Variants in NAB1 observed in about 807,000 individuals in gnomAD.
The protein encoded by NAB1 is NGFI-A binding protein 1, also known as NGFI-A-binding protein 1.
NAB1 carries 25 observed loss-of-function variants against 49.9 expected under a neutral mutation model. That is an observed-to-expected ratio of 0.50 (90% CI 0.37 to 0.70). NAB1 has a LOEUF of 0.70. Ranked by LOEUF, NAB1 falls within the 30% of genes least tolerant of loss-of-function variation. The pLI is 0.00. For synonymous variants in NAB1, 198 were observed against 215.6 expected (o/e 0.92, Z 0.71); for missense variants, 489 against 575.9 (o/e 0.85, Z 1.54).
rs1390449579 is a variant in NAB1 at position 190,670,158 on chromosome 2, T to C, written c.820-168T>C. On this transcript the variant is annotated intron_variant, in intron 4 of 9. Transcript: ENST00000337386. This position sits in a 1 kb window ranked among gnomAD's most constrained non-coding sequence, Gnocchi z 5.3. ...TGAGATGGCAGATGAGTTGGTTTTC[T>C]TCTGAAATTCGGCATTAGGAATAAT... is the stretch of plus-strand genomic sequence containing the variant. Among the ~76,000 whole-genome samples, 1 of 152,244 alleles carries C rather than the reference T, an allele frequency of 6.6e-6. No individual in the cohort carries two copies. Among genetic ancestry groups the C allele is most frequent in the Admixed American group, 6.5e-5 (1 of 15,282 alleles).
At position 190,685,403 on chromosome 2, in the gene NAB1, A is replaced by G; in HGVS notation, c.1096-73A>G. 1 of 1,350,916 alleles carries G rather than the reference A, an allele frequency of 7.4e-7. No individual in the cohort carries two copies. The highest frequency in any genetic ancestry group is 1.0e-6 in the Non-Finnish European group (1 of 1,004,546). 83.7% of individuals were successfully genotyped at this position (1,350,916 alleles called of 1,614,324 possible). Reference sequence around the variant, plus strand: ...ACTAAATATATTTGCTGGAGTCTGAAATTGGCATCTTTAAACCATTAAAAA... The same window carrying G: ...ACTAAATATATTTGCTGGAGTCTGAGATTGGCATCTTTAAACCATTAAAAA... On this transcript the variant is annotated intron_variant, in intron 7 of 9. Transcript: ENST00000337386. This position sits in a 1 kb window ranked among gnomAD's most constrained non-coding sequence, Gnocchi z 4.5.
intron 4 of NAB1, 47 bp downstream of exon 4, chr2:190,660,042 C>T: frequency 6.6e-7 from 1 of 1,523,750 alleles, no homozygotes; most frequent in Non-Finnish European, 9.0e-7. Context: ...TGGCATGTTG[C>T]TAGTCGTTAG....
rs1177964842 is a variant in NAB1 at position 190,691,683 on chromosome 2, A to T, written c.*1350A>T. ...GTTGGTTTAAGAGAAGATAACTGAC[A>T]GCTTTACCTACTTCCTACAGATGCA... On this transcript the variant is annotated 3_prime_UTR_variant, in exon 10 of 10. Coordinates refer to ENST00000337386, the MANE Select transcript of NAB1 (RefSeq NM_005966.4). This position sits in a 1 kb window ranked among gnomAD's most constrained non-coding sequence, Gnocchi z 4.1. 6 of 152,312 alleles carry T rather than the reference A, an allele frequency of 3.9e-5. No homozygotes were observed. Among genetic ancestry groups the T allele is most frequent in the African/African-American group, 1.4e-4 (6 of 41,578 alleles). The allele number at this position is 152,312 out of a possible 1,614,324, so 9.4% of individuals were successfully genotyped here.
intron 5 of NAB1, among the ~76,000 whole-genome samples, chr2:190,672,730 A>G (rs1574456610): frequency 6.6e-6 from 1 of 152,138 alleles, no homozygotes; most frequent in South Asian, 2.1e-4. Context: ...AATCCCAGCA[A>G]TTTGGAAGGC....
In NAB1 at chr2:190,667,742, T is replaced by C. The variant is rs1210045879; in HGVS notation, c.820-2584T>C. Among the ~76,000 whole-genome samples, 2 of 152,154 alleles carry C rather than the reference T, an allele frequency of 1.3e-5. No individual in the cohort carries two copies. Reference sequence around the variant, plus strand: ...GGGAGGAGGATGTTAAATATCTATATCATACCATGTACCATAACACATTCT... The same window carrying C: ...GGGAGGAGGATGTTAAATATCTATACCATACCATGTACCATAACACATTCT... On this transcript the variant is annotated intron_variant, in intron 4 of 9. Coordinates refer to ENST00000337386, the MANE Select transcript of NAB1 (RefSeq NM_005966.4). The surrounding 1 kb of genome is among the most constrained non-coding windows in gnomAD (Gnocchi z 4.4).
In NAB1 at chr2:190,682,367, C is replaced by T. The variant is rs529917359; in HGVS notation, c.1006-1371C>T. Among the ~76,000 whole-genome samples the T allele has an allele frequency of 6.6e-6, 1 of 152,142 alleles. No individual in the cohort carries two copies. The highest frequency in any genetic ancestry group is 1.5e-5 in the Non-Finnish European group (1 of 68,018). ...GTTCAGAAAGGTTAAGTTACTCATC[C>T]GGTGGTCACATAGCTAGTGAGTGGT... On this transcript the variant is annotated intron_variant, in intron 6 of 9. Transcript: ENST00000337386. The surrounding 1 kb of genome is among the most constrained non-coding windows in gnomAD (Gnocchi z 4.1).
rs928716412 is a variant in NAB1 at position 190,676,347 on chromosome 2, A to T, written c.1005+3195A>T. Among the ~76,000 whole-genome samples, 2 of 152,212 alleles carry T rather than the reference A, an allele frequency of 1.3e-5. No individual in the cohort carries two copies. The highest frequency in any genetic ancestry group is 1.3e-4 in the Admixed American group (2 of 15,276). ...GACCTCATAAATAAAACTAGAAAGAATTTAGAATTCTTTTAACATACTTTT... is the reference window on the plus strand; with the variant it reads ...GACCTCATAAATAAAACTAGAAAGATTTTAGAATTCTTTTAACATACTTTT... On this transcript the variant is annotated intron_variant, in intron 6 of 9. Transcript: ENST00000337386. The surrounding 1 kb of genome is among the most constrained non-coding windows in gnomAD (Gnocchi z 4.6).
rs992494575 is a variant in NAB1, at chr2:190,657,994, A to G, written c.-19-1164A>G. 6.6e-6 allele frequency among the ~76,000 whole-genome samples: 1 copy of G among 152,192 alleles called. No homozygotes were observed. The highest frequency in any genetic ancestry group is 1.9e-4 in the East Asian group (1 of 5,204). ...TACAACAAGTTTATTTGTTTCTCTT[A>G]AATGGAAGTACTTGGCCAACTCCTC... On this transcript the variant is annotated intron_variant, in intron 3 of 9. Transcript: ENST00000337386. The surrounding 1 kb of genome is among the most constrained non-coding windows in gnomAD (Gnocchi z 4.4).
At chr2:190,650,399 A>C (rs1693601827) in intron 2 of NAB1, among the ~76,000 whole-genome samples, 1 of 152,214 alleles carries the variant, frequency 6.6e-6, no homozygotes, top group African/African-American at 2.4e-5. Flanking sequence ...CTTGTTTAAA[A>C]ATATTTTGGC....
At chr2:190,687,387 T>G in intron 9 of NAB1, 70 bp downstream of exon 9, 95 of 209,010 alleles carry the variant, frequency 4.5e-4, no homozygotes, top group Middle Eastern at 1.4e-3. Flanking sequence ...TTCTATTTCC[T>G]CCCCCATCAA....
In NAB1 at chr2:190,684,296, A is replaced by C. The variant is rs1695500327; in HGVS notation, c.1095+469A>C. Reference sequence around the variant, plus strand: ...AGGTGCTTTTGCCATTAAGTTATTTAATTTTGTCTGTATACTGAAATTAAA... The same window carrying C: ...AGGTGCTTTTGCCATTAAGTTATTTCATTTTGTCTGTATACTGAAATTAAA... On this transcript the variant is annotated intron_variant, in intron 7 of 9. Transcript: ENST00000337386. This position sits in a 1 kb window ranked among gnomAD's most constrained non-coding sequence, Gnocchi z 4.6. 6.6e-6 allele frequency among the ~76,000 whole-genome samples: 1 copy of C among 152,198 alleles called. No individual in the cohort carries two copies.
In NAB1 at chr2:190,690,416, G is replaced by A. The variant is rs1695897220; in HGVS notation, c.*83G>A. On this transcript the variant is annotated 3_prime_UTR_variant, in exon 10 of 10. Coordinates refer to ENST00000337386, the MANE Select transcript of NAB1 (RefSeq NM_005966.4). Reference sequence around the variant, plus strand: ...TCATAGAAATAAGCCTTAATAACCAGTGTTGCCTCATTCAGCTCAAACAGA... The same window carrying A: ...TCATAGAAATAAGCCTTAATAACCAATGTTGCCTCATTCAGCTCAAACAGA... 1 of 1,079,016 alleles carries A rather than the reference G, an allele frequency of 9.3e-7. No individual in the cohort carries two copies. The highest frequency in any genetic ancestry group is 1.3e-5 in the South Asian group (1 of 77,446). The allele number at this position is 1,079,016 out of a possible 1,614,324, so 66.8% of individuals were successfully genotyped here. A position where few individuals can be genotyped will look rare whatever the true frequency, so the allele number is the denominator to read the frequency against.
rs185167069 is a variant in NAB1, at chr2:190,682,590, A to T, written c.1006-1148A>T. The stretch of plus-strand genomic sequence containing the variant: ...TCAGATAGGTCAGAGGGTTAAATTT[A>T]AAAAACAAATCAAACTTTTAGAAAA... On this transcript the variant is annotated intron_variant, in intron 6 of 9. Transcript: ENST00000337386. This position sits in a 1 kb window ranked among gnomAD's most constrained non-coding sequence, Gnocchi z 4.1. Among the ~76,000 whole-genome samples the T allele has an allele frequency of 1.8e-4, 27 of 152,352 alleles. No individual in the cohort carries two copies. Among genetic ancestry groups the T allele is most frequent in the East Asian group, 1.7e-3 (9 of 5,194 alleles).
chr2:190,685,734 T>C lies in NAB1; in HGVS notation c.1258+96T>C, dbSNP rs1009543427. The C allele has an allele frequency of 4.9e-6, 5 of 1,024,306 alleles. No homozygotes were observed. Among genetic ancestry groups the C allele is most frequent in the Non-Finnish European group, 5.2e-6 (4 of 767,994 alleles). 63.5% of individuals were successfully genotyped at this position (1,024,306 alleles called of 1,614,324 possible). ...CTGATTTTTAAATTATGATATTTTG[T>C]AGAGATTATTTTACAGGTTCTCTTA... On this transcript the variant is annotated intron_variant, in intron 8 of 9. Transcript: ENST00000337386. The surrounding 1 kb of genome is among the most constrained non-coding windows in gnomAD (Gnocchi z 4.5).
chr2:190,683,740 T>G lies in NAB1; in HGVS notation c.1008T>G (p.Asp336Glu), dbSNP rs1262563335. The change falls in exon 7 of 10, where the codon GAT (aspartate) becomes GAG (glutamate). Residue 336 changes from aspartate (D) to glutamate (E), a missense_variant and splice_region_variant. This residue lies in a region of NAB1 where 212 missense variants were observed against 199.3 expected (regional missense o/e 1.06). Coordinates refer to ENST00000337386, the MANE Select transcript of NAB1 (RefSeq NM_005966.4). ...AGGACTTCTTATTTGACCCACAGGA[T>G]GGGTTTCCAGATTTCCAGGATTCTG... ...ELSPKRIKVE[D>E]GFPDFQDSVQ... 5.0e-6 allele frequency: 8 copies of G among 1,611,502 alleles called. No homozygotes were observed. The highest frequency in any genetic ancestry group is 6.8e-6 in the Non-Finnish European group (8 of 1,178,856).
Position 190,679,172 on chromosome 2 carries a change from A to G in NAB1, c.1006-4566A>G, listed in dbSNP as rs981045743. Among the ~76,000 whole-genome samples, 3 of 152,258 alleles carry G rather than the reference A, an allele frequency of 2.0e-5. No individual in the cohort carries two copies. The highest frequency in any genetic ancestry group is 1.5e-5 in the Non-Finnish European group (1 of 68,044). On this transcript the variant is annotated intron_variant, in intron 6 of 9. Transcript: ENST00000337386. The surrounding 1 kb of genome is among the most constrained non-coding windows in gnomAD (Gnocchi z 5.3). ...TGCCTGGGAAACAAGCTTACGAGAC[A>G]TAACGAAATTGTGCACCACACATAA...
chr2:190,653,811 T>G (rs1308435849), intron 2 of NAB1: 1 of 152,210 alleles, frequency 6.6e-6, no homozygotes, highest in East Asian at 1.9e-4. Flanking sequence ...CGTTGCATGA[T>G]GTATAACACT....
chr2:190,657,124 C>T lies in NAB1; in HGVS notation c.-20+971C>T, dbSNP rs1334702047. ...AGGAAAGTAAATGTCCTTTCTTCCA[C>T]CTCCAACACTTTATAGCAGCCCTTC... On this transcript the variant is annotated intron_variant, in intron 3 of 9. Coordinates refer to ENST00000337386, the MANE Select transcript of NAB1 (RefSeq NM_005966.4). This position sits in a 1 kb window ranked among gnomAD's most constrained non-coding sequence, Gnocchi z 4.4. Among the ~76,000 whole-genome samples the T allele has an allele frequency of 6.6e-6, 1 of 152,130 alleles. No homozygotes were observed. Among genetic ancestry groups the T allele is most frequent in the Non-Finnish European group, 1.5e-5 (1 of 68,022 alleles).
Position 190,666,139 on chromosome 2 carries a change from T to TAA in NAB1, c.820-4187_820-4186insAA. 6.6e-6 allele frequency among the ~76,000 whole-genome samples: 1 copy of TAA among 152,158 alleles called. No homozygotes were observed. The highest frequency in any genetic ancestry group is 1.5e-5 in the Non-Finnish European group (1 of 68,014). On this transcript the variant is annotated intron_variant, in intron 4 of 9. Coordinates refer to ENST00000337386, the MANE Select transcript of NAB1 (RefSeq NM_005966.4). The surrounding 1 kb of genome is among the most constrained non-coding windows in gnomAD (Gnocchi z 5.6). ...TCCCCTCCCTATTTTATTTAACATTTTTAGTTTTTTTTTTCTGAGAGGGGC... is the reference window on the plus strand; with the variant it reads ...TCCCCTCCCTATTTTATTTAACATTTAATTAGTTTTTTTTTTCTGAGAGGGGC...
Sources: gnomAD v4.1 joint callset for allele counts (sites outside exome capture counted in the v4.1 genomes callset) on GRCh38, gnomAD v4.1.1 for gene constraint, gnomAD v4.1.1 regional missense constraint, Gnocchi (gnomAD v3.1) non-coding constraint, MANE v1.5 for transcripts, NCBI Gene and HGNC (gene_info 2026-07-23, HGNC 2026-07-21) for gene names.